SMG6: variants seen among roughly 807,000 people sequenced by gnomAD.
SMG6 encodes telomerase-binding protein EST1A.
Under a neutral mutation model 142.2 loss-of-function variants are expected in SMG6, and 66 were observed. The observed-to-expected ratio is 0.46, with a 90% CI of 0.38 to 0.57. The LOEUF (loss-of-function observed/expected upper bound fraction) is 0.57, where lower values mean the gene tolerates loss of function less well. Among genes scored for constraint, SMG6 ranks in the 20% least tolerant of loss-of-function variants. The pLI, the probability that SMG6 is intolerant of heterozygous loss-of-function variation, is 0.00. For missense variants in SMG6, 1,793 were observed against 1,832.0 expected, an observed-to-expected ratio of 0.98 and a Z score of 0.39; for synonymous variants, 779 against 702.4, an observed-to-expected ratio of 1.11 and a Z score of -1.72.
intron 13 of SMG6, among the ~76,000 whole-genome samples, chr17:2,165,075 G>A (rs1313482856): frequency 1.3e-5 from 2 of 152,152 alleles, no homozygotes; most frequent in African/African-American, 2.4e-5. Context: ...AAAGGGTTAC[G>A]ACAGCTCATG....
chr17:2,096,343 G>C (rs774331684), intron 13 of SMG6, among the ~76,000 whole-genome samples: 34 of 152,150 alleles, frequency 2.2e-4, no homozygotes, highest in Non-Finnish European at 1.5e-5. Flanking sequence ...GAGTAGCTGG[G>C]ATTCACAGGT....
chr17:2,077,917 G>A (rs1277566709), intron 15 of SMG6, among the ~76,000 whole-genome samples: 4 of 152,188 alleles, frequency 2.6e-5, no homozygotes, highest in African/African-American at 7.2e-5. Context: ...GGGTTCATGA[G>A]GGATGGGGTA....
intron 10 of SMG6, among the ~76,000 whole-genome samples, chr17:2,206,040 C>T (rs953760609): frequency 4.6e-5 from 7 of 152,088 alleles, no homozygotes; most frequent in African/African-American, 1.7e-4. Flanking sequence ...AACTCCTGAC[C>T]TCAACTGATC....
chr17:2,292,939 T>C lies in SMG6; in HGVS notation c.2190A>G (p.Ile730Met), dbSNP rs759833947. The C allele has an allele frequency of 2.5e-6, 4 of 1,614,168 alleles. No individual in the cohort carries two copies. Among genetic ancestry groups the C allele is most frequent in the Middle Eastern group, 3.3e-4 (2 of 6,062 alleles). Residue 730 changes from isoleucine to methionine, a missense_variant, in exon 5 of 19, where the codon ATA (isoleucine) becomes ATG (methionine). This residue lies in a region of SMG6 where 1,597 missense variants were observed against 1,584.6 expected (regional missense o/e 1.01). Transcript: ENST00000263073. ...GGTACCTAGCAATATCTCCTTGGCA[T>C]ATCATGCATCGCTGGGCACTGATCA... ...YALISAQRCM[I>M]CQGDIARYRE...
At chr17:2,270,158 T>C (rs1652781193) in intron 8 of SMG6, among the ~76,000 whole-genome samples, 1 of 151,598 alleles carries the variant, frequency 6.6e-6, no homozygotes, top group South Asian at 2.1e-4. Flanking sequence ...AGAGATACAA[T>C]GGATTTGAGG....
chr17:2,172,758 AGGTCAT>A lies in SMG6; in HGVS notation c.3251_3256del (p.Asp1084_Leu1086delinsVal), dbSNP rs1224708409. 2 of 1,614,166 alleles carry A rather than the reference AGGTCAT, an allele frequency of 1.2e-6. No individual in the cohort carries two copies. The highest frequency in any genetic ancestry group is 1.7e-6 in the Non-Finnish European group (2 of 1,180,034). ...ATCCTCTTCCAGGATAAGAAGGGTGAGGTCATCATCCGGGTCCTTGTACAGTGGCAC... is the reference window on the plus strand; with the variant it reads ...ATCCTCTTCCAGGATAAGAAGGGTGACATCCGGGTCCTTGTACAGTGGCAC... On this transcript the variant is annotated inframe_deletion, in exon 13 of 19. Transcript: ENST00000263073.
At chr17:2,124,339 G>A (rs966042617) in intron 13 of SMG6, among the ~76,000 whole-genome samples, 3 of 152,232 alleles carry the variant, frequency 2.0e-5, no homozygotes, top group African/African-American at 4.8e-5. Flanking sequence ...CAGTTTTAGC[G>A]AACTGGCTAA....
intron 13 of SMG6, among the ~76,000 whole-genome samples, chr17:2,138,109 G>T (rs996887963): frequency 1.3e-4 from 20 of 151,542 alleles, no homozygotes; most frequent in Non-Finnish European, 2.6e-4. Context: ...CTTTGGTGTT[G>T]TTATATCACA....
chr17:2,232,845 TCCAAGAGCAG>T (rs2073538097), intron 10 of SMG6: 1 of 152,144 alleles, frequency 6.6e-6, no homozygotes, highest in Non-Finnish European at 1.5e-5. Context: ...ATCCTCTGCC[TCCAAGAGCAG>T]AGTGGGCTCC....
chr17:2,248,747 GA>G (rs1408012095), intron 8 of SMG6, among the ~76,000 whole-genome samples: 1 of 152,090 alleles, frequency 6.6e-6, no homozygotes, highest in Admixed American at 6.5e-5. Flanking sequence ...CTTCAATTAG[GA>G]AAGGAGCTAA....
intron 13 of SMG6, among the ~76,000 whole-genome samples, chr17:2,134,961 C>T (rs1191265409): frequency 6.6e-6 from 1 of 152,048 alleles, no homozygotes; most frequent in Admixed American, 6.6e-5. Flanking sequence ...CTCATTGCAA[C>T]TTCTGCCTCC....
intron 15 of SMG6, among the ~76,000 whole-genome samples, chr17:2,069,161 G>A (rs978957150): frequency 2.0e-5 from 3 of 152,186 alleles, no homozygotes; most frequent in Non-Finnish European, 4.4e-5. Flanking sequence ...CAACCCTGCC[G>A]AGGGCTGAGA....
intron 13 of SMG6, among the ~76,000 whole-genome samples, chr17:2,130,229 C>T (rs1464934074): frequency 2.5e-5 from 3 of 122,348 alleles, no homozygotes; most frequent in African/African-American, 7.0e-5. Context: ...CACTGCAGTC[C>T]GCAGTCCGGC....
chr17:2,249,491 T>TCTCACTTTGTTGCCCAGGCTGGTCTC (rs953763728), intron 8 of SMG6, among the ~76,000 whole-genome samples: 1 of 152,038 alleles, frequency 6.6e-6, no homozygotes, highest in Non-Finnish European at 1.5e-5. Context: ...GAGATGGGGT[T>TCTCACTTTGTTGCCCAGGCTGGTCTC]CTCACTTTGT....
At chr17:2,074,069 G>A (rs552812065) in intron 15 of SMG6, among the ~76,000 whole-genome samples, 2 of 152,182 alleles carry the variant, frequency 1.3e-5, no homozygotes, top group East Asian at 3.9e-4. Context: ...GGTGATAAGA[G>A]CAAAACTCCA....
chr17:2,236,751 A>C (rs1364200184), intron 9 of SMG6, 114 bp from the exon 10 acceptor site: 2 of 1,120,410 alleles, frequency 1.8e-6, no homozygotes, highest in Non-Finnish European at 2.3e-6. Flanking sequence ...ACACACACAC[A>C]CCAGACAACT....
At chr17:2,212,792 C>T (rs1343344720) in intron 10 of SMG6, 2 of 152,154 alleles carry the variant, frequency 1.3e-5, no homozygotes, top group African/African-American at 2.4e-5. Context: ...TTGGCTTAAC[C>T]GGGACCTACT....
rs953071407 is a variant in SMG6, at chr17:2,187,956, TA to T, written c.2986+442del. ...TGGGATACTGTCTCAACCTAAGGGCTAAAAATAGCACCTGCTCTATCTGGTC... is the reference window on the plus strand; with the variant it reads ...TGGGATACTGTCTCAACCTAAGGGCTAAAATAGCACCTGCTCTATCTGGTC... On this transcript the variant is annotated intron_variant, in intron 11 of 18. Coordinates refer to ENST00000263073, the MANE Select transcript of SMG6 (RefSeq NM_017575.5). Among the ~76,000 whole-genome samples, 152 of 152,014 alleles carry T rather than the reference TA, an allele frequency of 1.0e-3. 1 individual carries two copies. Among genetic ancestry groups the T allele is most frequent in the Admixed American group, 9.9e-3 (151 of 15,264 alleles).
At chr17:2,179,021 C>A (rs140283586) in intron 12 of SMG6, among the ~76,000 whole-genome samples, 1 of 152,348 alleles carries the variant, frequency 6.6e-6, no homozygotes, top group Non-Finnish European at 1.5e-5. Context: ...AACACCCCTT[C>A]CTCTCACAAG....
Sources: allele counts gnomAD v4.1 joint callset (sites outside exome capture counted in the v4.1 genomes callset), GRCh38; gene constraint gnomAD v4.1.1; regional missense constraint gnomAD v4.1.1; transcripts MANE v1.5; gene names NCBI Gene and HGNC (gene_info 2026-07-23, HGNC 2026-07-21).